GALNTL6: variants seen among roughly 807,000 people sequenced by gnomAD.
The protein encoded by GALNTL6 is polypeptide N-acetylgalactosaminyltransferase-like 6.
In GALNTL6, 46 loss-of-function variants were observed where a neutral mutation model predicts 73.7. The observed-to-expected ratio is 0.62, with a 90% CI of 0.49 to 0.80. The LOEUF (loss-of-function observed/expected upper bound fraction) is 0.80, where lower values mean the gene tolerates loss of function less well. GALNTL6 is among the 30% of genes least tolerant of loss of function. GALNTL6 has a pLI of 0.00. For synonymous variants in GALNTL6, 259 were observed against 263.7 expected, an observed-to-expected ratio of 0.98 and a Z score of 0.17; for missense variants, 604 against 755.0, an observed-to-expected ratio of 0.80 and a Z score of 2.34.
chr4:172,198,072 C>G (rs549156626), intron 2 of GALNTL6, among the ~76,000 whole-genome samples: 1 of 152,156 alleles, frequency 6.6e-6, no homozygotes, highest in Non-Finnish European at 1.5e-5. Flanking sequence ...GATTGTGCCA[C>G]TGCACTCCAG....
intron 5 of GALNTL6, among the ~76,000 whole-genome samples, chr4:172,474,600 T>C (rs1733167467): frequency 1.3e-5 from 2 of 152,176 alleles, no homozygotes; most frequent in Non-Finnish European, 2.9e-5. Context: ...TTTTGGTTCA[T>C]ATATAAGAGT....
chr4:171,963,144 C>T (rs568142998), intron 2 of GALNTL6, among the ~76,000 whole-genome samples: 2 of 150,760 alleles, frequency 1.3e-5, no homozygotes, highest in African/African-American at 4.9e-5. Flanking sequence ...GTACTGTGCT[C>T]TAATTTATAG....
chr4:172,580,983 A>G (rs2110972955), intron 5 of GALNTL6, among the ~76,000 whole-genome samples: 1 of 152,174 alleles, frequency 6.6e-6, no homozygotes, highest in East Asian at 1.9e-4. Context: ...GCTGGTCTCA[A>G]GCTCCTGACC....
chr4:172,028,085 T>G (rs896948619), intron 2 of GALNTL6, among the ~76,000 whole-genome samples: 6 of 152,044 alleles, frequency 3.9e-5, no homozygotes, highest in African/African-American at 1.4e-4. Flanking sequence ...TCAATGAAGA[T>G]GCAAGATTGT....
chr4:172,881,950 G>T (rs1283272808), intron 7 of GALNTL6, among the ~76,000 whole-genome samples: 1 of 151,842 alleles, frequency 6.6e-6, no homozygotes, highest in Non-Finnish European at 1.5e-5. Flanking sequence ...TTGTTCACAG[G>T]GTTGTTGTGA....
chr4:172,225,299 G>A (rs968721175), intron 2 of GALNTL6, among the ~76,000 whole-genome samples: 2 of 152,032 alleles, frequency 1.3e-5, no homozygotes, highest in South Asian at 4.1e-4. Context: ...ATACAAATGC[G>A]CTGAGATTGA....
intron 3 of GALNTL6, among the ~76,000 whole-genome samples, chr4:172,298,725 T>A (rs1287177360): frequency 6.6e-6 from 1 of 152,204 alleles, no homozygotes; most frequent in Non-Finnish European, 1.5e-5. Context: ...GCCCACTTGA[T>A]CATGGTGGAT....
chr4:172,696,409 T>C (rs1423976660), intron 5 of GALNTL6, among the ~76,000 whole-genome samples: 1 of 152,190 alleles, frequency 6.6e-6, no homozygotes, highest in African/African-American at 2.4e-5. Flanking sequence ...TCCTAATTTT[T>C]TGTTTTGTTT....
chr4:172,032,879 T>C (rs1239725456), intron 2 of GALNTL6, among the ~76,000 whole-genome samples: 3 of 152,130 alleles, frequency 2.0e-5, no homozygotes, highest in Non-Finnish European at 4.4e-5. Context: ...CCATTTTCTT[T>C]AGATATCTTA....
chr4:172,689,814 A>G (rs2111254540), intron 5 of GALNTL6, among the ~76,000 whole-genome samples: 1 of 152,356 alleles, frequency 6.6e-6, no homozygotes, highest in South Asian at 2.1e-4. Flanking sequence ...CTTCAAGTTC[A>G]TAACATTTTC....
Position 171,814,463 on chromosome 4 carries a change from G to A in GALNTL6, c.-118G>A. 9.0e-7 allele frequency: 1 copy of A among 1,111,192 alleles called. No individual in the cohort carries two copies. Among genetic ancestry groups the A allele is most frequent in the South Asian group, 1.4e-5 (1 of 72,148 alleles). The allele number at this position is 1,111,192 out of a possible 1,614,324, so 68.8% of individuals were successfully genotyped here. A position where few individuals can be genotyped will look rare whatever the true frequency, so the allele number is the denominator to read the frequency against. On this transcript the variant is annotated 5_prime_UTR_variant, in exon 2 of 13. Coordinates refer to ENST00000506823, the MANE Select transcript of GALNTL6 (RefSeq NM_001034845.3). ...GATTGGTGCTGAGCACGCAACAAAA[G>A]TTTGTAGCTTCTCAGTTTCTGGTGC...
intron 2 of GALNTL6, among the ~76,000 whole-genome samples, chr4:172,008,094 T>C (rs1740892356): frequency 1.3e-5 from 2 of 152,164 alleles, no homozygotes; most frequent in African/African-American, 4.8e-5. Context: ...CTAAAGAGAA[T>C]CAAGGTTTAT....
chr4:172,238,889 G>A (rs778725046), intron 3 of GALNTL6, among the ~76,000 whole-genome samples: 11 of 152,056 alleles, frequency 7.2e-5, no homozygotes, highest in Non-Finnish European at 1.2e-4. Flanking sequence ...TTCTCTTTAT[G>A]TGATGAATCA....
intron 5 of GALNTL6, among the ~76,000 whole-genome samples, chr4:172,701,551 A>C (rs1324569015): frequency 6.6e-6 from 1 of 152,084 alleles, no homozygotes; most frequent in African/African-American, 2.4e-5. Context: ...ATCCTAAGAA[A>C]GAAACTCTGA....
intron 2 of GALNTL6, among the ~76,000 whole-genome samples, chr4:172,094,892 A>AT (rs199991522): frequency 1.0e-3 from 153 of 148,774 alleles, no homozygotes; most frequent in African/African-American, 2.0e-3. Flanking sequence ...CTATATCTTG[A>AT]TTTTTTTTTG....
At chr4:172,018,831 C>T (rs1332492832) in intron 2 of GALNTL6, among the ~76,000 whole-genome samples, 3 of 152,118 alleles carry the variant, frequency 2.0e-5, no homozygotes, top group Non-Finnish European at 4.4e-5. Context: ...ATTGTGCTGG[C>T]TGCCTTTCCT....
At position 172,919,326 on chromosome 4, in the gene GALNTL6, T is replaced by C. The variant is rs147051132; in HGVS notation, c.1042-11835T>C. 2.2e-3 allele frequency among the ~76,000 whole-genome samples: 339 copies of C among 152,284 alleles called. 1 individual carries two copies. Among genetic ancestry groups the C allele is most frequent in the African/African-American group, 7.5e-3 (312 of 41,558 alleles). ...GCTCTGAATGTCTCCCCACCATGCC[T>C]CTCAGTGTCCATTTCATTCCCTCTC... is the stretch of plus-strand genomic sequence containing the variant. On this transcript the variant is annotated intron_variant, in intron 8 of 12. Coordinates refer to ENST00000506823, the MANE Select transcript of GALNTL6 (RefSeq NM_001034845.3).
At position 172,910,746 on chromosome 4, in the gene GALNTL6, G is replaced by C. The variant is rs550966001; in HGVS notation, c.1042-20415G>C. 8.5e-5 allele frequency among the ~76,000 whole-genome samples: 13 copies of C among 152,322 alleles called. No individual in the cohort carries two copies. In the South Asian group the frequency reaches 2.7e-3, roughly 32 times the overall value. ...CCACTAGGAAATCCCTGAGCAAAGAGAATGAGCGATTTGTTGAATAGTGTT... is the reference window on the plus strand; with the variant it reads ...CCACTAGGAAATCCCTGAGCAAAGACAATGAGCGATTTGTTGAATAGTGTT... On this transcript the variant is annotated intron_variant, in intron 8 of 12. Coordinates refer to ENST00000506823, the MANE Select transcript of GALNTL6 (RefSeq NM_001034845.3).
At chr4:171,926,971 T>C (rs1281228784) in intron 2 of GALNTL6, among the ~76,000 whole-genome samples, 1 of 152,146 alleles carries the variant, frequency 6.6e-6, no homozygotes, top group Non-Finnish European at 1.5e-5. Flanking sequence ...GTTGATGTTG[T>C]TAAAATGGTC....
Sources: allele counts gnomAD v4.1 joint callset (sites outside exome capture counted in the v4.1 genomes callset), GRCh38; gene constraint gnomAD v4.1.1; transcripts MANE v1.5; gene names NCBI Gene and HGNC (gene_info 2026-07-23, HGNC 2026-07-21).